Variants in SGCZ observed in about 807,000 individuals in gnomAD.
SGCZ encodes sarcoglycan zeta.
Under a neutral mutation model 41.3 loss-of-function variants are expected in SGCZ, and 40 were observed. That is an observed-to-expected ratio of 0.97 (90% CI 0.75 to 1.26). The LOEUF (loss-of-function observed/expected upper bound fraction) is 1.26, where lower values mean the gene tolerates loss of function less well. Ranked by LOEUF, SGCZ falls within the 50% of genes most tolerant of loss-of-function variation. The pLI, the probability that SGCZ is intolerant of heterozygous loss-of-function variation, is 0.00. For synonymous variants in SGCZ, 206 were observed against 137.5 expected (o/e 1.50, Z -3.49); for missense variants, 552 against 369.8 (o/e 1.49, Z -4.04).
intron 3 of SGCZ, among the ~76,000 whole-genome samples, chr8:14,291,489 G>C (rs921230548): frequency 3.4e-4 from 51 of 151,844 alleles, no homozygotes; most frequent in African/African-American, 9.9e-4. Context: ...GCACTTTTAT[G>C]CTGGTACCAT....
At chr8:14,540,521 C>A (rs1803433038) in intron 2 of SGCZ, among the ~76,000 whole-genome samples, 1 of 151,408 alleles carries the variant, frequency 6.6e-6, no homozygotes, top group South Asian at 2.1e-4. Flanking sequence ...CCACTGATTC[C>A]CAGATTTTGG....
At chr8:14,959,105 A>G (rs1800884213) in intron 1 of SGCZ, among the ~76,000 whole-genome samples, 1 of 152,154 alleles carries the variant, frequency 6.6e-6, no homozygotes, top group Non-Finnish European at 1.5e-5. Context: ...TACATACTTT[A>G]GACAGATTTC....
chr8:15,125,043 T>C (rs901929408), intron 1 of SGCZ, among the ~76,000 whole-genome samples: 2 of 152,176 alleles, frequency 1.3e-5, no homozygotes, highest in Non-Finnish European at 2.9e-5. Flanking sequence ...ATTACAATGC[T>C]ACACTAAGAT....
chr8:15,005,559 G>C (rs541406677), intron 1 of SGCZ, among the ~76,000 whole-genome samples: 2 of 109,966 alleles, frequency 1.8e-5, no homozygotes, highest in South Asian at 6.8e-4. Context: ...TCGAACTCCT[G>C]ACCTCAGGTT....
intron 1 of SGCZ, among the ~76,000 whole-genome samples, chr8:14,804,594 T>C (rs1020484216): frequency 2.8e-5 from 4 of 141,500 alleles, no homozygotes; most frequent in African/African-American, 1.0e-4. Context: ...AGACCAAATC[T>C]ACGTCTGATT....
chr8:14,209,670 T>A (rs1469630714), intron 4 of SGCZ, among the ~76,000 whole-genome samples: 1 of 152,194 alleles, frequency 6.6e-6, no homozygotes, highest in African/African-American at 2.4e-5. Context: ...AATATCCTTT[T>A]TATTAGCTAT....
intron 1 of SGCZ, among the ~76,000 whole-genome samples, chr8:14,715,032 G>C (rs138125170): frequency 4.7e-4 from 71 of 152,214 alleles, no homozygotes; most frequent in Non-Finnish European, 8.8e-4. Flanking sequence ...TAGCAGTTGA[G>C]AGCAGGATTT....
intron 2 of SGCZ, among the ~76,000 whole-genome samples, chr8:14,432,914 C>CAAAAAAAAAAAAAAAAAA (rs767979164): frequency 7.9e-5 from 6 of 75,632 alleles, no homozygotes; most frequent in African/African-American, 1.2e-4. Flanking sequence ...ACTGTGTCTC[C>CAAAAAAAAAAAAAAAAAA]AAAAAAAAAA....
At chr8:14,185,070 T>G (rs1804859001) in intron 4 of SGCZ, among the ~76,000 whole-genome samples, 2 of 152,188 alleles carry the variant, frequency 1.3e-5, no homozygotes, top group African/African-American at 4.8e-5. Flanking sequence ...AGTTATGTAT[T>G]TGTACTACAA....
intron 6 of SGCZ, among the ~76,000 whole-genome samples, chr8:14,104,046 G>C (rs923367617): frequency 1.3e-5 from 2 of 152,130 alleles, no homozygotes; most frequent in African/African-American, 2.4e-5. Context: ...TGTCCACTGA[G>C]GAGGGTTTCA....
chr8:14,282,101 T>G (rs183672166), intron 3 of SGCZ, among the ~76,000 whole-genome samples: 2 of 149,248 alleles, frequency 1.3e-5, no homozygotes, highest in Admixed American at 1.3e-4. Flanking sequence ...AACAAGGAAT[T>G]TAATAAAAGT....
chr8:15,056,725 G>C (rs2131003017), intron 1 of SGCZ, among the ~76,000 whole-genome samples: 1 of 152,210 alleles, frequency 6.6e-6, no homozygotes, highest in African/African-American at 2.4e-5. Flanking sequence ...TGTTTAACTT[G>C]AGCTAAGACG....
At chr8:14,999,288 T>G (rs1022869794) in intron 1 of SGCZ, among the ~76,000 whole-genome samples, 1 of 152,170 alleles carries the variant, frequency 6.6e-6, no homozygotes, top group Admixed American at 6.5e-5. Flanking sequence ...AGCTAGCAGT[T>G]TTATTACACA....
intron 4 of SGCZ, among the ~76,000 whole-genome samples, chr8:14,189,293 T>A (rs930828969): frequency 6.6e-6 from 1 of 152,092 alleles, no homozygotes; most frequent in Non-Finnish European, 1.5e-5. Context: ...GAAGCCAGAG[T>A]CATATATTTT....
intron 1 of SGCZ, chr8:14,879,347 C>T (rs1227491058): frequency 6.6e-6 from 1 of 151,488 alleles, no homozygotes; most frequent in East Asian, 1.9e-4. Flanking sequence ...ACAAAACAAA[C>T]AGACAAATAA....
chr8:14,180,346 G>C (rs1163253247), intron 4 of SGCZ, among the ~76,000 whole-genome samples: 1 of 152,118 alleles, frequency 6.6e-6, no homozygotes, highest in Non-Finnish European at 1.5e-5. Context: ...GGAAGTGCTT[G>C]GACCTATCCA....
chr8:14,759,486 A>T (rs1009967046), intron 1 of SGCZ, among the ~76,000 whole-genome samples: 1 of 152,234 alleles, frequency 6.6e-6, no homozygotes, highest in Admixed American at 6.5e-5. Context: ...AAGACAACTT[A>T]TTCCAGAAAA....
At chr8:14,815,611 G>C (rs962248304) in intron 1 of SGCZ, among the ~76,000 whole-genome samples, 1 of 152,116 alleles carries the variant, frequency 6.6e-6, no homozygotes, top group Non-Finnish European at 1.5e-5. Flanking sequence ...ACCACACAGA[G>C]TATGTATAGA....
intron 1 of SGCZ, among the ~76,000 whole-genome samples, chr8:15,234,530 A>G (rs1374496459): frequency 6.6e-6 from 1 of 152,174 alleles, no homozygotes; most frequent in Non-Finnish European, 1.5e-5. Context: ...TGTGGGCAGA[A>G]TAGAAGATGA....
Sources: allele counts gnomAD v4.1 joint callset (sites outside exome capture counted in the v4.1 genomes callset), GRCh38; gene constraint gnomAD v4.1.1; transcripts MANE v1.5; gene names NCBI Gene and HGNC (gene_info 2026-07-23, HGNC 2026-07-21).